The following RASSF3 variants were observed in gnomAD, a reference collection of about 807,000 sequenced individuals.
RASSF3 encodes Ras association domain family member 3, also known as ras association domain-containing protein 3.
RASSF3 carries 19 observed loss-of-function variants against 19.9 expected under a neutral mutation model. The observed-to-expected ratio is 0.96, with a 90% CI of 0.67 to 1.40. RASSF3 has a LOEUF of 1.40. RASSF3 is among the 40% of genes most tolerant of loss of function. The pLI is 0.00. For synonymous variants in RASSF3, 110 were observed against 104.2 expected (o/e 1.06, Z -0.34); for missense variants, 306 against 289.8 (o/e 1.06, Z -0.41).
intron 1 of RASSF3, among the ~76,000 whole-genome samples, chr12:64,646,658 T>C (rs1871745580): frequency 6.6e-6 from 1 of 152,180 alleles, no homozygotes; most frequent in South Asian, 2.1e-4. Flanking sequence ...TCCCCTCTTA[T>C]ATTCATGCTG....
chr12:64,595,898 A>G (rs1869992411), intron 2 of RASSF3, among the ~76,000 whole-genome samples: 3 of 152,148 alleles, frequency 2.0e-5, no homozygotes. Flanking sequence ...GGTCATAGAA[A>G]CCAGAACCCC....
chr12:64,580,459 G>A (rs1032397311), intron 2 of RASSF3, among the ~76,000 whole-genome samples: 1 of 151,998 alleles, frequency 6.6e-6, no homozygotes, highest in Admixed American at 6.6e-5. Context: ...AGATTCCTGG[G>A]AGGCTGGGGT....
In RASSF3 at chr12:64,624,370, G is replaced by A. The variant is rs770375578; in HGVS notation, c.111+13627G>A. On this transcript the variant is annotated intron_variant, in intron 1 of 4. Transcript: ENST00000542104. Reference sequence around the variant, plus strand: ...TGCAAGCAGCTATGTAGGGCACCCTGTGTTTAAATCAGTGCTAGCTGTATT... The same window carrying A: ...TGCAAGCAGCTATGTAGGGCACCCTATGTTTAAATCAGTGCTAGCTGTATT... 1.4e-4 allele frequency among the ~76,000 whole-genome samples: 22 copies of A among 152,080 alleles called. No homozygotes were observed. In the East Asian group the frequency reaches 4.0e-3, roughly 28 times the overall value.
rs144328152 is a variant in RASSF3 at position 64,561,574 on chromosome 12, C to G, written c.294+19869C>G. 7.4e-4 allele frequency among the ~76,000 whole-genome samples: 113 copies of G among 152,168 alleles called. 1 individual carries two copies. Among genetic ancestry groups the G allele is most frequent in the East Asian group, 7.0e-3 (36 of 5,176 alleles). ...GTACCACTGAACAGCTCATTGATCTCAGAGTCAAAATGAATATCCAAACAA... is the reference window on the plus strand; with the variant it reads ...GTACCACTGAACAGCTCATTGATCTGAGAGTCAAAATGAATATCCAAACAA... On this transcript the variant is annotated intron_variant, in intron 2 of 5. Coordinates refer to the RASSF3 transcript ENST00000637125.
At chr12:64,539,660 C>T (rs1868901707) in intron 1 of RASSF3, among the ~76,000 whole-genome samples, 1 of 152,004 alleles carries the variant, frequency 6.6e-6, no homozygotes, top group African/African-American at 2.4e-5. Context: ...CCTGTAGTCA[C>T]AGCTACTTCA....
At chr12:64,583,495 G>A (rs548489231) in intron 2 of RASSF3, among the ~76,000 whole-genome samples, 8 of 152,260 alleles carry the variant, frequency 5.3e-5, no homozygotes, top group Middle Eastern at 3.4e-3. Context: ...GGTAGCGTGC[G>A]CCTGTAGTTC....
At chr12:64,577,974 T>A (rs1437088020) in intron 2 of RASSF3, among the ~76,000 whole-genome samples, 1 of 151,990 alleles carries the variant, frequency 6.6e-6, no homozygotes, top group African/African-American at 2.4e-5. Flanking sequence ...ATCCCAGCAC[T>A]TTGGGAGGCC....
At chr12:64,598,737 C>CTT (rs71092988) in intron 2 of RASSF3, among the ~76,000 whole-genome samples, 1 of 146,914 alleles carries the variant, frequency 6.8e-6, no homozygotes, top group South Asian at 2.2e-4. Context: ...ACACAGATTT[C>CTT]TTTTTTTTTT....
chr12:64,683,505 AAGG>A (rs1166407647), intron 1 of RASSF3, among the ~76,000 whole-genome samples: 2 of 152,146 alleles, frequency 1.3e-5, no homozygotes, highest in Non-Finnish European at 2.9e-5. Context: ...GAAGGGTGGG[AAGG>A]AGAAGTCTGG....
At chr12:64,693,144 C>CTTT (rs71434057) in intron 4 of RASSF3, among the ~76,000 whole-genome samples, 1,559 of 128,708 alleles carry the variant, frequency 0.012, 24 homozygotes, top group African/African-American at 0.035. Context: ...CCATGTTGCT[C>CTTT]TTTTTTTTTT....
At chr12:64,531,624 GT>G (rs1868710856), upstream of RASSF3, among the ~76,000 whole-genome samples, 1 of 152,002 alleles carries the variant, frequency 6.6e-6, no homozygotes, top group Non-Finnish European at 1.5e-5. Context: ...TCCCAGTTTT[GT>G]TTTAATATAA....
intron 1 of RASSF3, among the ~76,000 whole-genome samples, chr12:64,678,400 A>G (rs1872984762): frequency 6.6e-6 from 1 of 151,978 alleles, no homozygotes; most frequent in South Asian, 2.1e-4. Context: ...TGGGAAGTTC[A>G]CCCTTCTCTG....
At chr12:64,630,405 A>G (rs1871134730) in intron 1 of RASSF3, among the ~76,000 whole-genome samples, 1 of 152,176 alleles carries the variant, frequency 6.6e-6, no homozygotes, top group Non-Finnish European at 1.5e-5. Flanking sequence ...TTGTGCCTGT[A>G]GTCCCAGCTA....
At chr12:64,520,699 TA>T (rs901346497) in intron 1 of RASSF3, among the ~76,000 whole-genome samples, 2 of 149,488 alleles carry the variant, frequency 1.3e-5, no homozygotes, top group Non-Finnish European at 3.0e-5. Flanking sequence ...TCTTGCTAGC[TA>T]AAAAAAAGTA....
At chr12:64,570,023 G>A (rs1162294699) in intron 2 of RASSF3, among the ~76,000 whole-genome samples, 1 of 152,046 alleles carries the variant, frequency 6.6e-6, no homozygotes, top group Non-Finnish European at 1.5e-5. Context: ...TAAAAATATC[G>A]GGTCTGCCTA....
chr12:64,554,001 A>C (rs1194387806), intron 2 of RASSF3, among the ~76,000 whole-genome samples: 2 of 151,878 alleles, frequency 1.3e-5, no homozygotes, highest in African/African-American at 2.4e-5. Context: ...AAAGAAAGAA[A>C]AAAAAAAGTT....
chr12:64,531,704 C>T (rs1051574816), upstream of RASSF3, among the ~76,000 whole-genome samples: 4 of 152,188 alleles, frequency 2.6e-5, no homozygotes, highest in African/African-American at 7.2e-5. Flanking sequence ...TCCACGGCCT[C>T]CCTCCTTCCC....
At chr12:64,600,701 G>A (rs546808487) in intron 2 of RASSF3, among the ~76,000 whole-genome samples, 1 of 152,252 alleles carries the variant, frequency 6.6e-6, no homozygotes, top group East Asian at 1.9e-4. Context: ...CGTAATAATA[G>A]TAAGTGGAAA....
intron 1 of RASSF3, among the ~76,000 whole-genome samples, chr12:64,642,441 TC>T (rs1246427508): frequency 3.3e-5 from 5 of 151,234 alleles, no homozygotes; most frequent in Non-Finnish European, 5.9e-5. Flanking sequence ...GTGCCTGTAG[TC>T]TCAGCTACTC....
Sources: allele counts gnomAD v4.1 joint callset (sites outside exome capture counted in the v4.1 genomes callset), GRCh38; gene constraint gnomAD v4.1.1; transcripts MANE v1.5; gene names NCBI Gene and HGNC (gene_info 2026-07-23, HGNC 2026-07-21).